The following KCNMB2 variants were observed in gnomAD, a reference collection of about 807,000 sequenced individuals.
KCNMB2 encodes the protein potassium calcium-activated channel subfamily M regulatory beta subunit 2.
Under a neutral mutation model 24.5 loss-of-function variants are expected in KCNMB2, and 9 were observed. That is an observed-to-expected ratio of 0.37 (90% confidence interval 0.22 to 0.64). The LOEUF is 0.64. Ranked by LOEUF, KCNMB2 falls within the 30% of genes least tolerant of loss-of-function variation. The pLI is 0.63. For missense variants in KCNMB2, 226 were observed against 284.3 expected (o/e 0.79, Z 1.47); for synonymous variants, 109 against 104.4 (o/e 1.04, Z -0.27).
chr3:178,785,959 C>G (rs953721929), intron 1 of KCNMB2, among the ~76,000 whole-genome samples: 3 of 152,026 alleles, frequency 2.0e-5, no homozygotes, highest in Non-Finnish European at 4.4e-5. Flanking sequence ...TATTAAGACT[C>G]AGAAAAGTTA....
In KCNMB2 at chr3:178,615,418, A is replaced by G. The variant is rs1718669443; in HGVS notation, c.-68+78707A>G. ...AGATGCTATCCAGGAGTCAGGGACC[A>G]GAGTCAAAAATATTAGAAGTCTACC... On this transcript the variant is annotated intron_variant, in intron 1 of 4. Coordinates refer to ENST00000452583, the MANE Select transcript of KCNMB2 (RefSeq NM_181361.3). Among the ~76,000 whole-genome samples, 2 of 152,218 alleles carry G rather than the reference A, an allele frequency of 1.3e-5. 1 individual carries two copies. The highest frequency in any genetic ancestry group is 4.1e-4 in the South Asian group (2 of 4,830).
intron 1 of KCNMB2, among the ~76,000 whole-genome samples, chr3:178,608,495 C>T (rs1400399732): frequency 6.6e-6 from 1 of 152,090 alleles, no homozygotes; most frequent in African/African-American, 2.4e-5. Context: ...AGAGAATGGG[C>T]TATCCATCCA....
intron 1 of KCNMB2, among the ~76,000 whole-genome samples, chr3:178,669,811 T>C (rs758216796): frequency 6.6e-6 from 1 of 151,974 alleles, no homozygotes; most frequent in Non-Finnish European, 1.5e-5. Flanking sequence ...ATGTGTGACA[T>C]GGATTTTAAA....
At chr3:178,578,158 C>T (rs1432463883) in intron 1 of KCNMB2, among the ~76,000 whole-genome samples, 4 of 152,150 alleles carry the variant, frequency 2.6e-5, no homozygotes, top group Admixed American at 6.5e-5. Flanking sequence ...AAGAGAAGCC[C>T]ATCAAACTAA....
intron 1 of KCNMB2, among the ~76,000 whole-genome samples, chr3:178,665,321 A>G (rs965586723): frequency 6.6e-5 from 10 of 152,200 alleles, no homozygotes; most frequent in African/African-American, 2.4e-4. Flanking sequence ...TTGCTTTCAA[A>G]TATAATTTTG....
intron 4 of KCNMB2, among the ~76,000 whole-genome samples, chr3:178,835,939 A>G (rs1025947480): frequency 7.2e-5 from 11 of 152,174 alleles, no homozygotes; most frequent in African/African-American, 2.7e-4. Context: ...AACATGCTAC[A>G]TGGTATATTG....
chr3:178,552,170 G>T (rs533053078), intron 1 of KCNMB2, among the ~76,000 whole-genome samples: 12 of 152,280 alleles, frequency 7.9e-5, no homozygotes, highest in African/African-American at 2.9e-4. Flanking sequence ...CCATCCAGAC[G>T]CTGACCAAGG....
intron 1 of KCNMB2, among the ~76,000 whole-genome samples, chr3:178,749,796 T>C (rs1723783920): frequency 6.6e-6 from 1 of 152,208 alleles, no homozygotes; most frequent in Non-Finnish European, 1.5e-5. Context: ...GGTGAAATTG[T>C]GACAGCTGAA....
intron 1 of KCNMB2, among the ~76,000 whole-genome samples, chr3:178,617,031 G>C (rs999252543): frequency 1.3e-5 from 2 of 152,018 alleles, no homozygotes; most frequent in East Asian, 3.9e-4. Flanking sequence ...AGATACAGAG[G>C]TTTTATTTTT....
intron 1 of KCNMB2, among the ~76,000 whole-genome samples, chr3:178,544,098 A>T (rs1715702266): frequency 6.6e-6 from 1 of 152,202 alleles, no homozygotes; most frequent in African/African-American, 2.4e-5. Flanking sequence ...TCTTGAAAGA[A>T]CAAATCAATC....
chr3:178,631,657 T>C (rs982162856), intron 1 of KCNMB2, among the ~76,000 whole-genome samples: 2 of 152,202 alleles, frequency 1.3e-5, no homozygotes, highest in Non-Finnish European at 2.9e-5. Flanking sequence ...GAGAGGGAAA[T>C]TCAAATCTCA....
intron 1 of KCNMB2, among the ~76,000 whole-genome samples, chr3:178,658,381 A>G (rs192910735): frequency 6.6e-6 from 1 of 152,342 alleles, no homozygotes; most frequent in East Asian, 1.9e-4. Flanking sequence ...TCTGTTCATG[A>G]AAGTTAAATG....
intron 4 of KCNMB2, among the ~76,000 whole-genome samples, chr3:178,838,570 C>CCAAAA (rs1553783982): frequency 7.6e-6 from 1 of 132,374 alleles, no homozygotes; most frequent in Non-Finnish European, 1.7e-5. Context: ...TACAGCTCAG[C>CCAAAA]AAAAAAAAAA....
At chr3:178,717,088 A>G (rs988061835) in intron 1 of KCNMB2, among the ~76,000 whole-genome samples, 2 of 152,190 alleles carry the variant, frequency 1.3e-5, no homozygotes, top group Admixed American at 1.3e-4. Flanking sequence ...TCAAGTTCCA[A>G]CATGTCTAAC....
intron 1 of KCNMB2, among the ~76,000 whole-genome samples, chr3:178,589,444 T>C (rs1717581524): frequency 6.6e-6 from 1 of 152,200 alleles, no homozygotes; most frequent in Non-Finnish European, 1.5e-5. Context: ...TTTGGTTTTT[T>C]CCTTGGGGGG....
intron 1 of KCNMB2, among the ~76,000 whole-genome samples, chr3:178,538,961 G>A (rs1436735824): frequency 6.6e-6 from 1 of 152,070 alleles, no homozygotes; most frequent in Non-Finnish European, 1.5e-5. Context: ...CAATTCTCCA[G>A]CTATGCAAAA....
intron 2 of KCNMB2, among the ~76,000 whole-genome samples, chr3:178,815,640 C>T (rs1178111966): frequency 2.6e-5 from 4 of 151,996 alleles, no homozygotes; most frequent in Non-Finnish European, 2.9e-5. Flanking sequence ...AACATTTCAC[C>T]ATTAAGTATC....
intron 1 of KCNMB2, among the ~76,000 whole-genome samples, chr3:178,613,260 T>C (rs1718560100): frequency 6.6e-6 from 1 of 152,076 alleles, no homozygotes; most frequent in African/African-American, 2.4e-5. Flanking sequence ...TAGTGGGGCA[T>C]GGTGGTGGGC....
intron 1 of KCNMB2, among the ~76,000 whole-genome samples, chr3:178,548,175 A>G (rs574655078): frequency 6.6e-6 from 1 of 152,326 alleles, no homozygotes; most frequent in South Asian, 2.1e-4. Flanking sequence ...CCTGCACAAG[A>G]ATTATCTGGG....
Sources: allele counts gnomAD v4.1 joint callset (sites outside exome capture counted in the v4.1 genomes callset), GRCh38; gene constraint gnomAD v4.1.1; transcripts MANE v1.5; gene names NCBI Gene and HGNC (gene_info 2026-07-23, HGNC 2026-07-21).